ATP9B: variants seen among roughly 807,000 people sequenced by gnomAD.
ATP9B encodes ATPase phospholipid transporting 9B.
ATP9B carries 110 observed loss-of-function variants against 146.1 expected under a neutral mutation model. That is an observed-to-expected ratio of 0.75 (90% CI 0.65 to 0.88). The LOEUF is 0.88. ATP9B is among the 40% of genes least tolerant of loss of function. The pLI, the probability that ATP9B is intolerant of heterozygous loss-of-function variation, is 0.00. For synonymous variants in ATP9B, 604 were observed against 569.7 expected, an observed-to-expected ratio of 1.06 and a Z score of -0.86; for missense variants, 1,499 against 1,496.4, an observed-to-expected ratio of 1.00 and a Z score of -0.03.
At chr18:79,252,298 C>A (rs947895729) in intron 11 of ATP9B, among the ~76,000 whole-genome samples, 14 of 152,184 alleles carry the variant, frequency 9.2e-5, no homozygotes, top group Non-Finnish European at 1.8e-4. Context: ...AAACCAAAGC[C>A]CAGCTTGCCC....
chr18:79,175,824 G>A (rs150720525), intron 7 of ATP9B, among the ~76,000 whole-genome samples: 32 of 152,026 alleles, frequency 2.1e-4, no homozygotes, highest in Middle Eastern at 3.4e-3. Context: ...AGCCATGCAC[G>A]CGCACACACA....
chr18:79,073,365 G>T (rs903726539), intron 1 of ATP9B, among the ~76,000 whole-genome samples: 2 of 152,180 alleles, frequency 1.3e-5, no homozygotes, highest in Admixed American at 6.5e-5. Context: ...GCGAGACTCC[G>T]TCTGCAATCC....
chr18:79,134,593 A>C (rs1228167453), intron 5 of ATP9B, among the ~76,000 whole-genome samples: 1 of 152,210 alleles, frequency 6.6e-6, no homozygotes, highest in Admixed American at 6.5e-5. Flanking sequence ...GTGAGATGGC[A>C]CCAGTTTGCG....
At chr18:79,240,403 A>AAAAT (rs2095876851) in intron 11 of ATP9B, among the ~76,000 whole-genome samples, 1 of 152,272 alleles carries the variant, frequency 6.6e-6, no homozygotes, top group Non-Finnish European at 1.5e-5. Flanking sequence ...TTTGATAAAG[A>AAAAT]AAATTCAACC....
intron 17 of ATP9B, among the ~76,000 whole-genome samples, chr18:79,331,998 C>A (rs772370839): frequency 1.3e-5 from 2 of 152,246 alleles, no homozygotes; most frequent in Non-Finnish European, 2.9e-5. Flanking sequence ...GACTCCCCAA[C>A]ACGTAACTGC....
At chr18:79,325,887 C>T (rs1160316782) in intron 15 of ATP9B, among the ~76,000 whole-genome samples, 6 of 150,844 alleles carry the variant, frequency 4.0e-5, no homozygotes, top group Non-Finnish European at 4.4e-5. Flanking sequence ...CTGTACCCTC[C>T]GTCCCCTCAC....
At chr18:79,091,527 A>C (rs544313436) in intron 1 of ATP9B, among the ~76,000 whole-genome samples, 1 of 152,014 alleles carries the variant, frequency 6.6e-6, no homozygotes, top group Non-Finnish European at 1.5e-5. Flanking sequence ...TAGGTATTTA[A>C]TTTTATGTGT....
At chr18:79,207,798 G>A (rs1307950321) in intron 10 of ATP9B, among the ~76,000 whole-genome samples, 1 of 152,132 alleles carries the variant, frequency 6.6e-6, no homozygotes, top group Non-Finnish European at 1.5e-5. Flanking sequence ...TCTCCACCAG[G>A]CACGGTGATT....
intron 11 of ATP9B, among the ~76,000 whole-genome samples, chr18:79,250,828 G>A (rs1275676216): frequency 2.0e-5 from 3 of 152,150 alleles, no homozygotes; most frequent in African/African-American, 2.4e-5. Context: ...GGGGAGCGGC[G>A]CTGTTACTGG....
Position 79,348,259 on chromosome 18 carries a change from A to C in ATP9B, c.2903+63A>C, listed in dbSNP as rs947522182. 2.5e-4 allele frequency: 332 copies of C among 1,337,616 alleles called. 9 individuals carry two copies. The highest frequency in any genetic ancestry group is 2.8e-4 in the Non-Finnish European group (270 of 953,774). 82.9% of individuals were successfully genotyped at this position (1,337,616 alleles called of 1,614,324 possible). A position where few individuals can be genotyped will look rare whatever the true frequency, so the allele number is the denominator to read the frequency against. The stretch of plus-strand genomic sequence containing the variant: ...AGGACTTCTATTTTGAAAAAAAAAA[A>C]AAAAAAAAAACAAAAAACGTATATA... On this transcript the variant is annotated intron_variant, in intron 25 of 29. Transcript: ENST00000426216.
chr18:79,346,062 G>A (rs947120718), intron 23 of ATP9B, among the ~76,000 whole-genome samples: 5 of 149,448 alleles, frequency 3.3e-5, no homozygotes, highest in East Asian at 2.0e-4. Context: ...CTCGGTCGGC[G>A]CACGTCAGCA....
Position 79,239,824 on chromosome 18 carries a change from A to C in ATP9B, c.1108-13557A>C, listed in dbSNP as rs2095872396. Among the ~76,000 whole-genome samples, 2 of 152,140 alleles carry C rather than the reference A, an allele frequency of 1.3e-5. No homozygotes were observed. The highest frequency in any genetic ancestry group is 1.3e-4 in the Admixed American group (2 of 15,272). ...CGGTTGATCATCAGTTAATTATTAC[A>C]CGGAGGCGTTACTGAAGAGGCATCT... On this transcript the variant is annotated intron_variant, in intron 11 of 29. Transcript: ENST00000426216. This position sits in a 1 kb window ranked among gnomAD's most constrained non-coding sequence, Gnocchi z 5.1.
intron 12 of ATP9B, chr18:79,253,753 T>C (rs1209981553): frequency 2.2e-6 from 1 of 445,114 alleles, no homozygotes. Flanking sequence ...TGCCATACTT[T>C]CCTGATAGTG....
chr18:79,097,615 A>T (rs1374795908), intron 2 of ATP9B, among the ~76,000 whole-genome samples: 1 of 129,452 alleles, frequency 7.7e-6, no homozygotes, highest in Non-Finnish European at 1.5e-5. Context: ...TATGAGTGAG[A>T]ATATGCGGTA....
At chr18:79,200,901 G>T (rs567397998) in intron 9 of ATP9B, among the ~76,000 whole-genome samples, 2 of 152,332 alleles carry the variant, frequency 1.3e-5, no homozygotes, top group East Asian at 1.9e-4. Flanking sequence ...TTAGGAGCTG[G>T]TGCTGGCTGT....
chr18:79,119,082 A>AC (rs1449098186), intron 4 of ATP9B, among the ~76,000 whole-genome samples: 1 of 149,736 alleles, frequency 6.7e-6, no homozygotes, highest in African/African-American at 2.5e-5. Context: ...AAAAAAAAAA[A>AC]AAAAAAATTG....
chr18:79,238,032 A>G (rs1490457211), intron 11 of ATP9B, among the ~76,000 whole-genome samples: 2 of 152,082 alleles, frequency 1.3e-5, no homozygotes, highest in Non-Finnish European at 2.9e-5. Context: ...CTTTTAGAAA[A>G]TTTTATATTC....
At chr18:79,245,893 GAC>G (rs2095950490) in intron 11 of ATP9B, among the ~76,000 whole-genome samples, 1 of 113,398 alleles carries the variant, frequency 8.8e-6, no homozygotes. Flanking sequence ...CCGCTCTACT[GAC>G]TGAGGAGGGC....
intron 11 of ATP9B, among the ~76,000 whole-genome samples, chr18:79,228,628 A>C (rs1221587861): frequency 2.6e-5 from 4 of 152,242 alleles, no homozygotes; most frequent in Non-Finnish European, 5.9e-5. Flanking sequence ...GTAGTAAATA[A>C]TAAATAATGA....
Sources: gnomAD v4.1 joint callset for allele counts (sites outside exome capture counted in the v4.1 genomes callset) on GRCh38, gnomAD v4.1.1 for gene constraint, Gnocchi (gnomAD v3.1) non-coding constraint, MANE v1.5 for transcripts, NCBI Gene and HGNC (gene_info 2026-07-23, HGNC 2026-07-21) for gene names.